Variants in CADM2 observed in about 807,000 individuals in gnomAD.
The protein encoded by CADM2 is cell adhesion molecule 2.
A neutral mutation model predicts 49.8 loss-of-function variants in CADM2; 12 were observed. That is an observed-to-expected ratio of 0.24 (90% confidence interval 0.15 to 0.39). The LOEUF (loss-of-function observed/expected upper bound fraction) is 0.39. Among genes scored for constraint, CADM2 ranks in the 10% least tolerant of loss-of-function variants. The probability of loss-of-function intolerance (pLI) is 1.00; values close to 1 mark genes in which losing one functional copy is unlikely to be tolerated. For synonymous variants in CADM2, 214 were observed against 175.4 expected, an observed-to-expected ratio of 1.22 and a Z score of -1.74; for missense variants, 378 against 492.3, an observed-to-expected ratio of 0.77 and a Z score of 2.20.
chr3:85,358,422 A>T (rs1012213153), intron 1 of CADM2, among the ~76,000 whole-genome samples: 3 of 152,146 alleles, frequency 2.0e-5, no homozygotes, highest in African/African-American at 7.2e-5. Context: ...AGAACCAGGG[A>T]AAATATTTTT....
chr3:85,141,447 G>A (rs975624715), intron 1 of CADM2, among the ~76,000 whole-genome samples: 1 of 152,156 alleles, frequency 6.6e-6, no homozygotes, highest in African/African-American at 2.4e-5. Context: ...TATTTGAGGA[G>A]TAGTAGTGAT....
chr3:85,761,340 T>C (rs2069362148), intron 2 of CADM2, among the ~76,000 whole-genome samples: 1 of 148,320 alleles, frequency 6.7e-6, no homozygotes, highest in African/African-American at 2.5e-5. Context: ...ATGGTATGAA[T>C]AAAAACTGTT....
At chr3:85,643,434 A>G (rs1354018763) in intron 1 of CADM2, among the ~76,000 whole-genome samples, 1 of 152,222 alleles carries the variant, frequency 6.6e-6, no homozygotes, top group Non-Finnish European at 1.5e-5. Flanking sequence ...TCATTTGAAA[A>G]TATGAGCGAA....
At chr3:85,066,041 C>A (rs1400645332) in intron 1 of CADM2, among the ~76,000 whole-genome samples, 1 of 151,918 alleles carries the variant, frequency 6.6e-6, no homozygotes, top group African/African-American at 2.4e-5. Context: ...GGGGATGGTG[C>A]TAGACAGTAA....
intron 1 of CADM2, among the ~76,000 whole-genome samples, chr3:85,653,033 A>G (rs958853302): frequency 3.3e-5 from 5 of 151,584 alleles, no homozygotes; most frequent in Admixed American, 2.6e-4. Context: ...TCTGCCTCCC[A>G]AAGTGCTGGG....
intron 8 of CADM2, among the ~76,000 whole-genome samples, chr3:86,024,487 G>A (rs1733617684): frequency 6.6e-6 from 1 of 151,980 alleles, no homozygotes; most frequent in Non-Finnish European, 1.5e-5. Context: ...ACATCTTCAG[G>A]TACAAGTTGA....
At chr3:85,865,080 T>G (rs1421372751) in intron 3 of CADM2, among the ~76,000 whole-genome samples, 1 of 152,214 alleles carries the variant, frequency 6.6e-6, no homozygotes, top group African/African-American at 2.4e-5. Context: ...TTCTTGTTTA[T>G]AAGGCTGTGT....
At chr3:86,055,451 CTTTTTTTTTTTTTTTTTT>C (rs57606781) in intron 8 of CADM2, among the ~76,000 whole-genome samples, 1 of 87,480 alleles carries the variant, frequency 1.1e-5, no homozygotes, top group Non-Finnish European at 2.1e-5. Flanking sequence ...GGCATCCCCT[CTTTTTTTTTTTTTTTTTT>C]TTTTTTTTTT....
rs2042691573 is a variant in CADM2 at position 85,248,184 on chromosome 3, A to G, written c.61+288516A>G. ...CTTTATGTTTGAATCAAATAAAAAT[A>G]ATATGGCATTGCATGCAGCACGATT... is the stretch of plus-strand genomic sequence containing the variant. On this transcript the variant is annotated intron_variant, in intron 1 of 9. Transcript: ENST00000383699. Among the ~76,000 whole-genome samples the G allele has an allele frequency of 3.3e-5, 5 of 152,342 alleles. No individual in the cohort carries two copies. In the South Asian group the frequency reaches 1.0e-3, roughly 32 times the overall value.
At chr3:85,915,521 C>T (rs1718171244) in intron 6 of CADM2, among the ~76,000 whole-genome samples, 1 of 152,024 alleles carries the variant, frequency 6.6e-6, no homozygotes, top group Non-Finnish European at 1.5e-5. Flanking sequence ...CAGTCAGCAT[C>T]AATATTAGAG....
intron 1 of CADM2, among the ~76,000 whole-genome samples, chr3:84,995,411 G>C (rs2033123382): frequency 6.6e-6 from 1 of 152,202 alleles, no homozygotes; most frequent in African/African-American, 2.4e-5. Context: ...TTTAAAATGT[G>C]TGCATTAAGA....
intron 1 of CADM2, among the ~76,000 whole-genome samples, chr3:85,042,001 C>G (rs2035462673): frequency 6.6e-6 from 1 of 152,208 alleles, no homozygotes; most frequent in Admixed American, 6.5e-5. Context: ...TTCACACATG[C>G]ATAATATTGA....
chr3:85,521,809 A>G (rs10511083), intron 1 of CADM2, among the ~76,000 whole-genome samples: 78,161 of 151,770 alleles, frequency 0.51, 23,108 homozygotes, highest in East Asian at 0.85. Context: ...ATCAGTGAGA[A>G]TCGAAAAGGA....
In CADM2 at chr3:85,615,908, CTG is replaced by C. The variant is rs747529651; in HGVS notation, c.62-110612_62-110611del. On this transcript the variant is annotated intron_variant, in intron 1 of 9. Transcript: ENST00000383699. Reference sequence around the variant, plus strand: ...TCATTTCAGATCTTGTAAAAAGAGACTGTACTCTGAATAACAATTTCAAGAAA... The same window carrying C: ...TCATTTCAGATCTTGTAAAAAGAGACTACTCTGAATAACAATTTCAAGAAA... Among the ~76,000 whole-genome samples the C allele has an allele frequency of 3.2e-4, 48 of 151,958 alleles. No homozygotes were observed. The Middle Eastern group carries it at 0.017, about 54-fold the overall frequency.
chr3:85,414,305 T>C (rs2035812595), intron 1 of CADM2, among the ~76,000 whole-genome samples: 1 of 152,086 alleles, frequency 6.6e-6, no homozygotes, highest in African/African-American at 2.4e-5. Context: ...AAAGAGACAA[T>C]AATAAGCAAA....
intron 1 of CADM2, among the ~76,000 whole-genome samples, chr3:85,503,100 A>C (rs1029234656): frequency 6.3e-4 from 50 of 79,830 alleles, no homozygotes; most frequent in African/African-American, 1.4e-3. Context: ...CTCCTAACAT[A>C]AAGTTTTACT....
chr3:85,355,144 T>C (rs1214913481), intron 1 of CADM2, among the ~76,000 whole-genome samples: 1 of 152,026 alleles, frequency 6.6e-6, no homozygotes, highest in Non-Finnish European at 1.5e-5. Context: ...GGTCAGTTTT[T>C]AGGAAGGAGG....
intron 1 of CADM2, among the ~76,000 whole-genome samples, chr3:85,221,655 A>AAT (rs887341588): frequency 8.5e-5 from 13 of 152,138 alleles, no homozygotes; most frequent in Non-Finnish European, 1.8e-4. Context: ...TTATGCCATA[A>AAT]ATATATATAA....
intron 1 of CADM2, among the ~76,000 whole-genome samples, chr3:85,654,342 G>C: frequency 6.6e-6 from 1 of 152,244 alleles, no homozygotes; most frequent in Admixed American, 6.5e-5. Context: ...GTAGGGAAGA[G>C]GGGATGGGAA....
Sources: allele counts gnomAD v4.1 joint callset (sites outside exome capture counted in the v4.1 genomes callset), GRCh38; gene constraint gnomAD v4.1.1; transcripts MANE v1.5; gene names NCBI Gene and HGNC (gene_info 2026-07-23, HGNC 2026-07-21).